The following ARHGAP26 variants were observed in gnomAD, a reference collection of about 807,000 sequenced individuals.
ARHGAP26 encodes the protein rho GTPase-activating protein 26.
In ARHGAP26, 38 loss-of-function variants were observed where a neutral mutation model predicts 104.8. The ratio of observed to expected loss-of-function variants is 0.36; its 90% confidence interval spans 0.28 to 0.48. ARHGAP26 has a LOEUF of 0.48. ARHGAP26 is among the 20% of genes least tolerant of loss of function. The pLI is 0.99. For missense variants in ARHGAP26, 704 were observed against 947.9 expected (o/e 0.74, Z 3.38); for synonymous variants, 341 against 340.0 (o/e 1.00, Z -0.03).
At chr5:142,991,118 G>A (rs558160856) in intron 11 of ARHGAP26, among the ~76,000 whole-genome samples, 14 of 152,264 alleles carry the variant, frequency 9.2e-5, no homozygotes, top group South Asian at 2.1e-4. Context: ...CACCCAGTTC[G>A]AGCTTCCTGG....
chr5:143,072,684 A>G (rs1788446136), intron 17 of ARHGAP26, among the ~76,000 whole-genome samples: 1 of 152,192 alleles, frequency 6.6e-6, no homozygotes, highest in African/African-American at 2.4e-5. Context: ...TGTGGAAACT[A>G]AAAAAGGTCG....
At chr5:142,854,938 C>T (rs1006275258) in intron 1 of ARHGAP26, among the ~76,000 whole-genome samples, 3 of 152,176 alleles carry the variant, frequency 2.0e-5, no homozygotes, top group African/African-American at 7.2e-5. Context: ...CAAAGGACCC[C>T]CCAGTCCCTT....
rs150001015 is a variant in ARHGAP26 at position 143,001,481 on chromosome 5, A to G, written c.1108-12599A>G. On this transcript the variant is annotated intron_variant, in intron 11 of 22. Transcript: ENST00000645722. ...GATGGCTAGATATGTGATAAGGCAA[A>G]TATAGCAAAATATGAACAACTGTAG... is the stretch of plus-strand genomic sequence containing the variant. Among the ~76,000 whole-genome samples, 597 of 152,368 alleles carry G rather than the reference A, an allele frequency of 3.9e-3. 22 individuals are homozygous for G. Among genetic ancestry groups the G allele is most frequent in the Admixed American group, 0.037 (565 of 15,310 alleles).
At chr5:142,968,021 C>T (rs1344269527) in intron 11 of ARHGAP26, among the ~76,000 whole-genome samples, 1 of 152,162 alleles carries the variant, frequency 6.6e-6, no homozygotes, top group Non-Finnish European at 1.5e-5. Flanking sequence ...TTTCCTTGCT[C>T]ATAGGTAACA....
intron 1 of ARHGAP26, among the ~76,000 whole-genome samples, chr5:142,872,271 A>T (rs1755428384): frequency 1.3e-5 from 2 of 152,178 alleles, no homozygotes; most frequent in African/African-American, 4.8e-5. Flanking sequence ...AAGAAAAAGT[A>T]CTGGGAGTCA....
At chr5:143,138,144 G>A (rs1440365246) in intron 19 of ARHGAP26, among the ~76,000 whole-genome samples, 1 of 152,132 alleles carries the variant, frequency 6.6e-6, no homozygotes, top group Admixed American at 6.5e-5. Flanking sequence ...TTCTCTAGGT[G>A]GTTTTGTGTT....
At chr5:142,825,147 C>T (rs1252251114) in intron 1 of ARHGAP26, among the ~76,000 whole-genome samples, 1 of 152,216 alleles carries the variant, frequency 6.6e-6, no homozygotes, top group Non-Finnish European at 1.5e-5. Context: ...GGCATAATAA[C>T]AGTGCCTCCT....
intron 1 of ARHGAP26, among the ~76,000 whole-genome samples, chr5:142,810,001 C>T (rs1030089231): frequency 4.6e-5 from 7 of 152,122 alleles, no homozygotes; most frequent in Middle Eastern, 3.2e-3. Flanking sequence ...CATGAATTTG[C>T]GAGTAAAAGT....
intron 20 of ARHGAP26, among the ~76,000 whole-genome samples, chr5:143,174,217 C>T (rs888447828): frequency 3.3e-5 from 5 of 152,154 alleles, no homozygotes; most frequent in Non-Finnish European, 7.4e-5. Context: ...GTTAAGGATC[C>T]GGTTGGGTAT....
intron 10 of ARHGAP26, among the ~76,000 whole-genome samples, chr5:142,920,167 G>A (rs756303039): frequency 2.0e-5 from 3 of 152,170 alleles, no homozygotes; most frequent in Non-Finnish European, 4.4e-5. Flanking sequence ...AACTCTTTGA[G>A]AGGATTTAGT....
intron 9 of ARHGAP26, among the ~76,000 whole-genome samples, chr5:142,910,691 A>G (rs1387377249): frequency 2.0e-5 from 3 of 152,202 alleles, no homozygotes; most frequent in Non-Finnish European, 4.4e-5. Flanking sequence ...GTGACCCAAG[A>G]TGGCGCCATT....
chr5:142,865,973 T>C (rs1463833798), intron 1 of ARHGAP26, among the ~76,000 whole-genome samples: 1 of 152,098 alleles, frequency 6.6e-6, no homozygotes, highest in Non-Finnish European at 1.5e-5. Flanking sequence ...TTTCTACATA[T>C]CCAAATAGGA....
chr5:142,884,209 A>G (rs1467908135), intron 4 of ARHGAP26, among the ~76,000 whole-genome samples: 4 of 152,158 alleles, frequency 2.6e-5, no homozygotes, highest in Admixed American at 6.5e-5. Context: ...GCCTGTGACA[A>G]TCTGTCTCAG....
At chr5:142,942,320 A>G (rs1481112255) in intron 11 of ARHGAP26, among the ~76,000 whole-genome samples, 1 of 152,246 alleles carries the variant, frequency 6.6e-6, no homozygotes, top group Non-Finnish European at 1.5e-5. Flanking sequence ...TTTTACATGT[A>G]TAAAATAAAA....
At chr5:142,918,555 C>T (rs1762807638) in intron 10 of ARHGAP26, among the ~76,000 whole-genome samples, 2 of 152,206 alleles carry the variant, frequency 1.3e-5, no homozygotes, top group African/African-American at 2.4e-5. Context: ...ACTCTCATCT[C>T]TGTGTCCACA....
At chr5:143,082,882 A>G (rs991848577) in intron 17 of ARHGAP26, among the ~76,000 whole-genome samples, 2 of 152,224 alleles carry the variant, frequency 1.3e-5, no homozygotes, top group Admixed American at 6.5e-5. Context: ...TTTCTACAGA[A>G]CGTCACGGGT....
chr5:143,226,441 C>T lies in ARHGAP26; in HGVS notation c.*3995C>T, dbSNP rs889007751. On this transcript the variant is annotated 3_prime_UTR_variant, in exon 23 of 23. Transcript: ENST00000645722. ...GATTGCAGTGAGCCAAGATCACGCC[C>T]CTGCACTCCAGCCTGGGTGACAGAG... The T allele has an allele frequency of 1.1e-5, 2 of 177,480 alleles. No homozygotes were observed. The highest frequency in any genetic ancestry group is 6.4e-5 in the Admixed American group (1 of 15,724). 11.0% of individuals were successfully genotyped at this position (177,480 alleles called of 1,614,324 possible).
intron 20 of ARHGAP26, among the ~76,000 whole-genome samples, chr5:143,165,648 T>G (rs1389935093): frequency 6.6e-6 from 1 of 152,212 alleles, no homozygotes; most frequent in Admixed American, 6.5e-5. Flanking sequence ...GGACTGGGCT[T>G]CTAATGTACC....
intron 17 of ARHGAP26, among the ~76,000 whole-genome samples, chr5:143,097,360 G>GAAAAAAA (rs56116431): frequency 2.2e-4 from 14 of 63,260 alleles, no homozygotes; most frequent in Non-Finnish European, 4.2e-4. Flanking sequence ...TCAAAAAAAA[G>GAAAAAAA]AAAAAAAAAA....
Sources: allele counts gnomAD v4.1 joint callset (sites outside exome capture counted in the v4.1 genomes callset), GRCh38; gene constraint gnomAD v4.1.1; transcripts MANE v1.5; gene names NCBI Gene and HGNC (gene_info 2026-07-23, HGNC 2026-07-21).